The following XPO7 variants were observed in gnomAD, a reference collection of about 807,000 sequenced individuals.
XPO7 encodes exportin-7.
Under a neutral mutation model 144.3 loss-of-function variants are expected in XPO7, and 21 were observed. That is an observed-to-expected ratio of 0.15 (90% CI 0.10 to 0.21). The LOEUF (loss-of-function observed/expected upper bound fraction) is 0.21, where lower values mean the gene tolerates loss of function less well. Among genes scored for constraint, XPO7 ranks in the 10% least tolerant of loss-of-function variants. XPO7 has a pLI of 1.00. For missense variants in XPO7, 808 were observed against 1,325.8 expected (o/e 0.61, Z 6.06); for synonymous variants, 580 against 499.6 (o/e 1.16, Z -2.15).
chr8:21,950,312 A>G (rs760459766), intron 1 of XPO7, among the ~76,000 whole-genome samples: 6 of 152,236 alleles, frequency 3.9e-5, no homozygotes, highest in Non-Finnish European at 8.8e-5. Context: ...TAGACGTTCA[A>G]GGACATTTTC....
chr8:21,927,987 T>G (rs952016572), intron 1 of XPO7, among the ~76,000 whole-genome samples: 3 of 152,224 alleles, frequency 2.0e-5, no homozygotes, highest in Non-Finnish European at 2.9e-5. Context: ...TACTAAAATT[T>G]TATTCGTACA....
intron 15 of XPO7, 36 bp from the exon 16 acceptor site, chr8:21,988,967 G>C (rs1812668707): frequency 6.3e-7 from 1 of 1,597,222 alleles, no homozygotes; most frequent in African/African-American, 1.3e-5. Context: ...CAAATCAAAA[G>C]GGTCTCCTGC....
Position 21,987,176 on chromosome 8 carries a change from T to C in XPO7, c.1613T>C (p.Leu538Ser). Reference sequence around the variant, plus strand: ...CTGATGAACCTAACAGATTCTCGTTTGGCCCAGGCGGGTAATGAGAAGCTA... The same window carrying C: ...CTGATGAACCTAACAGATTCTCGTTCGGCCCAGGCGGGTAATGAGAAGCTA... ...LQLMNLTDSR[L>S]AQAGNEKLEL... The change falls in exon 14 of 28, where the codon TTG (leucine) becomes TCG (serine). Residue 538 changes from leucine to serine, a missense_variant. Leu to Ser is a moderately radical substitution (Grantham distance 145, BLOSUM62 -2). Transcript: ENST00000252512. 1 of 1,614,044 alleles carries C rather than the reference T, an allele frequency of 6.2e-7. No individual in the cohort carries two copies.
intron 12 of XPO7, 105 bp downstream of exon 12, chr8:21,984,944 T>TC: frequency 8.1e-7 from 1 of 1,239,216 alleles, no homozygotes; most frequent in South Asian, 1.5e-5. Context: ...AAGGATTCTT[T>TC]CATCATCTGT....
intron 8 of XPO7, among the ~76,000 whole-genome samples, chr8:21,978,991 G>T (rs1640627432): frequency 6.6e-6 from 1 of 152,216 alleles, no homozygotes; most frequent in Non-Finnish European, 1.5e-5. Context: ...AGATCTAGAG[G>T]GGGCAAACAG....
rs761828175 is a variant in XPO7 at position 22,004,991 on chromosome 8, G to C, written c.3171-4G>C. 1 of 1,570,540 alleles carries C rather than the reference G, an allele frequency of 6.4e-7. No homozygotes were observed. Among genetic ancestry groups the C allele is most frequent in the Non-Finnish European group, 8.6e-7 (1 of 1,156,256 alleles). ...CCCCCAACCCACATGCATCCTCTCT[G>C]CAGGTTCACCCAGAACCTGTCAGCA... On this transcript the variant is annotated splice_region_variant and splice_polypyrimidine_tract_variant and intron_variant, in intron 27 of 27. Transcript: ENST00000252512.
At chr8:21,998,947 C>A in intron 22 of XPO7, 110 bp downstream of exon 22, 1 of 1,454,082 alleles carries the variant, frequency 6.9e-7, no homozygotes, top group Non-Finnish European at 9.5e-7. Flanking sequence ...GGACAGCATT[C>A]GTATTGTATG....
rs1245451085 is a variant in XPO7, at chr8:21,995,424, C to T, written c.2238-68C>T. The stretch of plus-strand genomic sequence containing the variant: ...TTGACAAGTTTTTGCTTGGCTAGTG[C>T]TGAAAAACTATTTTAAATTCTGTAC... On this transcript the variant is annotated intron_variant, in intron 20 of 27. Transcript: ENST00000252512. 3 of 1,416,294 alleles carry T rather than the reference C, an allele frequency of 2.1e-6. No individual in the cohort carries two copies. In the African/African-American group the frequency reaches 4.3e-5, roughly 20 times the overall value. The allele number at this position is 1,416,294 out of a possible 1,614,324, so 87.7% of individuals were successfully genotyped here. A position where few individuals can be genotyped will look rare whatever the true frequency, so the allele number is the denominator to read the frequency against.
chr8:21,992,066 C>A, intron 19 of XPO7, 92 bp downstream of exon 19: 1 of 886,756 alleles, frequency 1.1e-6, no homozygotes, highest in South Asian at 1.9e-5. Flanking sequence ...TATCCACTGC[C>A]ATAGCTTTTT....
chr8:21,976,339 T>C lies in XPO7; in HGVS notation c.598-17T>C. The C allele has an allele frequency of 1.2e-6, 2 of 1,610,690 alleles. No individual in the cohort carries two copies. The highest frequency in any genetic ancestry group is 1.7e-6 in the Non-Finnish European group (2 of 1,178,014). On this transcript the variant is annotated splice_polypyrimidine_tract_variant and intron_variant, in intron 6 of 27. Coordinates refer to ENST00000252512, the MANE Select transcript of XPO7 (RefSeq NM_015024.5). The stretch of plus-strand genomic sequence containing the variant: ...GAGGAGTGATTTTGGGGACTCATTA[T>C]GTGGTAATTTTTACAGGCTTCAGGA...
chr8:21,977,607 G>A (rs891239676), intron 7 of XPO7, among the ~76,000 whole-genome samples, 163 bp from the exon 8 acceptor site: 9 of 152,076 alleles, frequency 5.9e-5, no homozygotes, highest in African/African-American at 2.2e-4. Flanking sequence ...AAAGAAAAAG[G>A]GAAACCAAAA....
At chr8:21,930,922 C>G (rs1374392566) in intron 1 of XPO7, among the ~76,000 whole-genome samples, 1 of 152,180 alleles carries the variant, frequency 6.6e-6, no homozygotes, top group Non-Finnish European at 1.5e-5. Flanking sequence ...CTCACTGCAA[C>G]CTCTGCCTTC....
chr8:21,961,807 C>G (rs1053131516), intron 1 of XPO7, among the ~76,000 whole-genome samples: 1 of 152,016 alleles, frequency 6.6e-6, no homozygotes, highest in Non-Finnish European at 1.5e-5. Context: ...GGACTACAGG[C>G]ACACGCCACC....
chr8:21,985,269 T>C (rs1812542303), intron 12 of XPO7, among the ~76,000 whole-genome samples: 2 of 152,246 alleles, frequency 1.3e-5, no homozygotes, highest in South Asian at 4.1e-4. Context: ...TAAGTACAGA[T>C]AGTAACCTGG....
intron 1 of XPO7, among the ~76,000 whole-genome samples, chr8:21,946,545 G>T (rs1413406078): frequency 2.7e-5 from 3 of 112,580 alleles, no homozygotes; most frequent in Middle Eastern, 6.8e-3. Flanking sequence ...TAACTAGAAA[G>T]ACACTAGAGG....
Position 21,966,799 on chromosome 8 carries a change from C to T in XPO7, c.19-58C>T. 3.9e-6 allele frequency: 6 copies of T among 1,545,402 alleles called. No individual in the cohort carries two copies. The Middle Eastern group carries it at 1.0e-3, about 268-fold the overall frequency. On this transcript the variant is annotated intron_variant, in intron 1 of 27. Transcript: ENST00000252512. ...TATCTTTGTTTATTAATTTTAAGCA[C>T]AGTTGCTTACATTTGTAGTAGGCTG...
In XPO7 at chr8:21,982,804, C is replaced by G. The variant is rs1378529151; in HGVS notation, c.1269C>G (p.Ile423Met). The G allele has an allele frequency of 1.1e-5, 17 of 1,601,562 alleles. No individual in the cohort carries two copies. Among genetic ancestry groups the G allele is most frequent in the Non-Finnish European group, 1.4e-5 (17 of 1,176,158 alleles). ...CATCCCGGTTGGAATCTGTGCACAT[C>G]ATACTGAGGTAAGGAAACTTAGCCT... ...YITSRLESVHIILRDGLEDPL... is the reference protein window; with the variant it reads ...YITSRLESVHMILRDGLEDPL... The change falls in exon 11 of 28, where the codon ATC becomes ATG. Residue 423 changes from isoleucine (I) to methionine (M), a missense_variant. Transcript: ENST00000252512.
chr8:21,944,817 A>G (rs1372618803), intron 1 of XPO7, among the ~76,000 whole-genome samples: 7 of 152,126 alleles, frequency 4.6e-5, no homozygotes, highest in Non-Finnish European at 8.8e-5. Context: ...ACTCTTAACA[A>G]GTATGCTGCC....
At chr8:22,000,607 CA>C (rs1478427181) in intron 24 of XPO7, among the ~76,000 whole-genome samples, 1 of 152,044 alleles carries the variant, frequency 6.6e-6, no homozygotes, top group Non-Finnish European at 1.5e-5. Flanking sequence ...CGCCCGCCAC[CA>C]TGCCTGGCTA....
Sources: allele counts gnomAD v4.1 joint callset (sites outside exome capture counted in the v4.1 genomes callset), GRCh38; gene constraint gnomAD v4.1.1; transcripts MANE v1.5; gene names NCBI Gene and HGNC (gene_info 2026-07-23, HGNC 2026-07-21).